HERPUD2: variants seen among roughly 807,000 people sequenced by gnomAD.
The protein encoded by HERPUD2 is HERPUD family member 2, also known as homocysteine-responsive endoplasmic reticulum-resident ubiquitin-like domain member 2 protein.
HERPUD2 carries 13 observed loss-of-function variants against 49.9 expected under a neutral mutation model. The ratio of observed to expected loss-of-function variants is 0.26; its 90% CI spans 0.17 to 0.41. The LOEUF is 0.41. Among genes scored for constraint, HERPUD2 ranks in the 10% least tolerant of loss-of-function variants. HERPUD2 has a pLI of 1.00. For synonymous variants in HERPUD2, 172 were observed against 171.4 expected (o/e 1.00, Z -0.03); for missense variants, 449 against 492.2 (o/e 0.91, Z 0.83).
intron 5 of HERPUD2, among the ~76,000 whole-genome samples, chr7:35,657,603 C>CAAAAAAA: frequency 1.8e-5 from 1 of 57,096 alleles, no homozygotes; most frequent in Non-Finnish European, 3.4e-5. Flanking sequence ...GACCTTCTCT[C>CAAAAAAA]AAAAAAAAAA....
chr7:35,643,508 T>C (rs1785000346), intron 5 of HERPUD2, among the ~76,000 whole-genome samples: 1 of 152,126 alleles, frequency 6.6e-6, no homozygotes, highest in Non-Finnish European at 1.5e-5. Flanking sequence ...TTCTTAGATA[T>C]TTACATGAAA....
chr7:35,662,059 A>G (rs931733692), intron 5 of HERPUD2, among the ~76,000 whole-genome samples: 1 of 152,148 alleles, frequency 6.6e-6, no homozygotes, highest in Admixed American at 6.5e-5. Context: ...ATCAATACCT[A>G]ATTTATTGAG....
At chr7:35,676,758 TGAAA>T (rs1457908834) in intron 2 of HERPUD2, among the ~76,000 whole-genome samples, 1 of 152,224 alleles carries the variant, frequency 6.6e-6, no homozygotes, top group East Asian at 1.9e-4. Flanking sequence ...TCTCTCACCC[TGAAA>T]ATCTTTCTTG....
chr7:35,682,326 CGT>C (rs1173380172), intron 2 of HERPUD2, among the ~76,000 whole-genome samples: 869 of 16,258 alleles, frequency 0.053, 150 homozygotes, highest in Non-Finnish European at 0.081. Flanking sequence ...CACATACACA[CGT>C]GTGTGTGTGT....
At chr7:35,675,505 C>T (rs1366309932) in intron 2 of HERPUD2, among the ~76,000 whole-genome samples, 4 of 152,040 alleles carry the variant, frequency 2.6e-5, no homozygotes, top group Non-Finnish European at 5.9e-5. Flanking sequence ...CACTTTTTTA[C>T]CAGACCAAAC....
chr7:35,681,476 A>G (rs1460183814), intron 2 of HERPUD2, among the ~76,000 whole-genome samples: 1 of 152,244 alleles, frequency 6.6e-6, no homozygotes, highest in Non-Finnish European at 1.5e-5. Context: ...CTAGGTACAT[A>G]CCAAAAATGA....
intron 2 of HERPUD2, among the ~76,000 whole-genome samples, chr7:35,686,728 A>AC (rs1786057380): frequency 9.6e-6 from 1 of 103,884 alleles, no homozygotes; most frequent in Non-Finnish European, 1.8e-5. Flanking sequence ...CAAAAAAAAA[A>AC]AAAAAAAAAA....
At chr7:35,677,921 T>A (rs1460613635) in intron 2 of HERPUD2, among the ~76,000 whole-genome samples, 3 of 152,228 alleles carry the variant, frequency 2.0e-5, no homozygotes, top group African/African-American at 7.2e-5. Context: ...ACTCTGTGCC[T>A]CAGTTTCCTT....
At chr7:35,656,536 G>C (rs888984477) in intron 5 of HERPUD2, among the ~76,000 whole-genome samples, 1 of 152,114 alleles carries the variant, frequency 6.6e-6, no homozygotes, top group African/African-American at 2.4e-5. Context: ...AACAAAGCTG[G>C]AGGCATCACA....
intron 5 of HERPUD2, among the ~76,000 whole-genome samples, chr7:35,663,108 T>A (rs1785461535): frequency 6.6e-6 from 1 of 152,246 alleles, no homozygotes; most frequent in Non-Finnish European, 1.5e-5. Context: ...TCTTTATTTC[T>A]GCCTTCATTT....
intron 2 of HERPUD2, among the ~76,000 whole-genome samples, chr7:35,687,634 G>A (rs146697444): frequency 1.3e-5 from 2 of 152,308 alleles, no homozygotes; most frequent in Non-Finnish European, 2.9e-5. Flanking sequence ...TCACTTGCTG[G>A]TATAACAGGT....
intron 5 of HERPUD2, among the ~76,000 whole-genome samples, chr7:35,649,704 A>G (rs1172361798): frequency 6.6e-6 from 1 of 152,214 alleles, no homozygotes; most frequent in Non-Finnish European, 1.5e-5. Flanking sequence ...ATTATTATCA[A>G]TAGAAAGGAA....
chr7:35,664,237 T>C (rs1465811479), intron 5 of HERPUD2, among the ~76,000 whole-genome samples: 1 of 152,238 alleles, frequency 6.6e-6, no homozygotes, highest in Non-Finnish European at 1.5e-5. Flanking sequence ...TTCTGGCTTG[T>C]AGAGTTTCTG....
At chr7:35,656,159 T>C (rs1369061553) in intron 5 of HERPUD2, among the ~76,000 whole-genome samples, 1 of 151,874 alleles carries the variant, frequency 6.6e-6, no homozygotes, top group Non-Finnish European at 1.5e-5. Context: ...TGAAACTTCA[T>C]TTCAAAAAAA....
chr7:35,651,807 C>A (rs1213746593), intron 5 of HERPUD2, among the ~76,000 whole-genome samples: 4 of 134,736 alleles, frequency 3.0e-5, no homozygotes, highest in African/African-American at 5.0e-5. Flanking sequence ...TTCAGATAAA[C>A]AATATAAAAA....
rs1266197132 is a variant in HERPUD2, at chr7:35,638,695, T to C, written c.495-223A>G. Among the ~76,000 whole-genome samples the C allele has an allele frequency of 2.6e-5, 4 of 152,184 alleles. No homozygotes were observed. The East Asian group carries it at 7.7e-4, about 29-fold the overall frequency. Reference sequence around the variant, plus strand: ...AATAACTAACATTTCAGTCCAGTTTTAAAGGGAAAACAAAGAGAAACACCA... The same window carrying C: ...AATAACTAACATTTCAGTCCAGTTTCAAAGGGAAAACAAAGAGAAACACCA... On this transcript the variant is annotated intron_variant, in intron 5 of 8. Transcript: ENST00000311350.
Position 35,691,728 on chromosome 7 carries a change from T to C in HERPUD2, c.147+2456A>G, listed in dbSNP as rs142162207. On this transcript the variant is annotated intron_variant, in intron 2 of 8. Transcript: ENST00000311350. Reference sequence around the variant, plus strand: ...GTCAGAAAAACCTAAACTTCCTTTATAATATTACTTAATAGCAAACTGTGC... The same window carrying C: ...GTCAGAAAAACCTAAACTTCCTTTACAATATTACTTAATAGCAAACTGTGC... Among the ~76,000 whole-genome samples, 339 of 152,344 alleles carry C rather than the reference T, an allele frequency of 2.2e-3. 2 individuals carry two copies. The highest frequency in any genetic ancestry group is 7.8e-3 in the African/African-American group (323 of 41,570).
intron 6 of HERPUD2, among the ~76,000 whole-genome samples, chr7:35,635,691 CA>C (rs763560357): frequency 1.7e-4 from 26 of 152,038 alleles, no homozygotes; most frequent in Non-Finnish European, 3.5e-4. Flanking sequence ...TGTAAGATGA[CA>C]GGGGAAGGCA....
chr7:35,663,082 T>C (rs936617115), intron 5 of HERPUD2, among the ~76,000 whole-genome samples: 5 of 152,216 alleles, frequency 3.3e-5, no homozygotes, highest in African/African-American at 1.2e-4. Context: ...TTTGTTCTCA[T>C]TGATTTCAAA....
Sources: allele counts gnomAD v4.1 joint callset (sites outside exome capture counted in the v4.1 genomes callset), GRCh38; gene constraint gnomAD v4.1.1; transcripts MANE v1.5; gene names NCBI Gene and HGNC (gene_info 2026-07-23, HGNC 2026-07-21).